Variants in CLSTN2 observed in about 807,000 individuals in gnomAD.
CLSTN2 encodes the protein calsyntenin-2.
In CLSTN2, 48 loss-of-function variants were observed where a neutral mutation model predicts 101.2. The observed-to-expected ratio is 0.47, with a 90% CI of 0.38 to 0.60. The LOEUF (loss-of-function observed/expected upper bound fraction) is 0.60, where lower values mean the gene tolerates loss of function less well. Ranked by LOEUF, CLSTN2 falls within the 20% of genes least tolerant of loss-of-function variation. The pLI is 0.00. For synonymous variants in CLSTN2, 481 were observed against 463.6 expected, an observed-to-expected ratio of 1.04 and a Z score of -0.48; for missense variants, 1,160 against 1,238.2, an observed-to-expected ratio of 0.94 and a Z score of 0.95.
chr3:140,134,251 C>A (rs149076528), intron 1 of CLSTN2, among the ~76,000 whole-genome samples: 6 of 152,282 alleles, frequency 3.9e-5, no homozygotes, highest in Middle Eastern at 6.8e-3. Flanking sequence ...CTCCTCTCCC[C>A]CTATGTGCTC....
chr3:140,444,387 G>A (rs550400631), intron 5 of CLSTN2, among the ~76,000 whole-genome samples: 4 of 151,414 alleles, frequency 2.6e-5, no homozygotes, highest in Admixed American at 2.6e-4. Context: ...CTGAGATTGT[G>A]CCATTGCACT....
At chr3:140,437,636 T>G (rs895183190) in intron 5 of CLSTN2, among the ~76,000 whole-genome samples, 1 of 152,210 alleles carries the variant, frequency 6.6e-6, no homozygotes, top group Non-Finnish European at 1.5e-5. Context: ...AGGCTGGCTG[T>G]CTGGCTGCCC....
At chr3:140,209,465 CT>C in intron 2 of CLSTN2, among the ~76,000 whole-genome samples, 1 of 152,248 alleles carries the variant, frequency 6.6e-6, no homozygotes, top group South Asian at 2.1e-4. Flanking sequence ...AGATAGCACT[CT>C]CCTCTCAATT....
At chr3:139,950,461 G>A (rs906029077) in intron 1 of CLSTN2, among the ~76,000 whole-genome samples, 1 of 152,180 alleles carries the variant, frequency 6.6e-6, no homozygotes. Context: ...AGCCAAGATA[G>A]AATAGACCAT....
intron 2 of CLSTN2, among the ~76,000 whole-genome samples, chr3:140,233,269 A>G (rs1425156534): frequency 6.6e-6 from 1 of 152,036 alleles, no homozygotes; most frequent in East Asian, 1.9e-4. Flanking sequence ...CTCCACTGAC[A>G]CTTGGTCGAC....
At chr3:140,290,348 G>A (rs929200842) in intron 2 of CLSTN2, among the ~76,000 whole-genome samples, 2 of 152,142 alleles carry the variant, frequency 1.3e-5, no homozygotes, top group African/African-American at 2.4e-5. Context: ...CTGCCTCCAG[G>A]GATCTTCCCA....
chr3:140,023,103 C>A (rs1216403603), intron 1 of CLSTN2, among the ~76,000 whole-genome samples: 1 of 152,172 alleles, frequency 6.6e-6, no homozygotes, highest in Admixed American at 6.5e-5. Context: ...CTCCTGGACA[C>A]TGCCACTCAC....
Position 140,566,442 on chromosome 3 carries a change from C to T in CLSTN2, c.*189C>T, listed in dbSNP as rs1256008025. The stretch of plus-strand genomic sequence containing the variant: ...TCATCCATGGGGAAGTTCCAAGAAG[C>T]CCAGCATGGCCATCAGTGAGGACTT... On this transcript the variant is annotated 3_prime_UTR_variant, in exon 17 of 17. Transcript: ENST00000458420. The T allele has an allele frequency of 3.2e-6, 2 of 616,252 alleles. No individual in the cohort carries two copies. Among genetic ancestry groups the T allele is most frequent in the East Asian group, 5.5e-5 (2 of 36,146 alleles). 38.2% of individuals were successfully genotyped at this position (616,252 alleles called of 1,614,324 possible).
chr3:139,978,021 C>A (rs1045960339), intron 1 of CLSTN2, among the ~76,000 whole-genome samples: 4 of 152,158 alleles, frequency 2.6e-5, no homozygotes, highest in Non-Finnish European at 5.9e-5. Flanking sequence ...GGCCCCCAAG[C>A]AGGAACATTC....
intron 1 of CLSTN2, among the ~76,000 whole-genome samples, chr3:139,998,335 C>CTTTTTTTTTTTTTTTTTT (rs1290360293): frequency 4.9e-5 from 1 of 20,432 alleles, no homozygotes; most frequent in African/African-American, 2.3e-4. Context: ...CCCCCACATG[C>CTTTTTTTTTTTTTTTTTT]CTTTTTTTTT....
At chr3:140,538,720 G>C (rs918662151) in intron 9 of CLSTN2, among the ~76,000 whole-genome samples, 6 of 152,114 alleles carry the variant, frequency 3.9e-5, no homozygotes, top group Admixed American at 2.0e-4. Context: ...GAGTCCCTAG[G>C]GTGTCTACAG....
chr3:140,249,024 A>T (rs2086539939), intron 2 of CLSTN2, among the ~76,000 whole-genome samples: 1 of 152,148 alleles, frequency 6.6e-6, no homozygotes, highest in Non-Finnish European at 1.5e-5. Flanking sequence ...TGCAGCATGG[A>T]GGGAGGACCC....
chr3:140,194,201 G>A (rs2010612330), intron 2 of CLSTN2, among the ~76,000 whole-genome samples: 1 of 152,146 alleles, frequency 6.6e-6, no homozygotes, highest in Non-Finnish European at 1.5e-5. Context: ...TCTGGAGTTT[G>A]AGAAGTCCAA....
At chr3:140,338,570 C>CA (rs959631280) in intron 2 of CLSTN2, among the ~76,000 whole-genome samples, 65 of 152,266 alleles carry the variant, frequency 4.3e-4, no homozygotes, top group African/African-American at 1.4e-3. Flanking sequence ...CCAGTCCCCC[C>CA]CCGGCCTCAG....
chr3:140,441,669 T>C (rs1432363748), intron 5 of CLSTN2, among the ~76,000 whole-genome samples: 2 of 152,316 alleles, frequency 1.3e-5, no homozygotes, highest in African/African-American at 2.4e-5. Flanking sequence ...CTACCCACCG[T>C]TGGGTCCTGA....
chr3:140,554,003 G>A (rs927413089), intron 10 of CLSTN2, among the ~76,000 whole-genome samples: 1 of 105,398 alleles, frequency 9.5e-6, no homozygotes, highest in African/African-American at 5.3e-5. Context: ...TGTCTAACAG[G>A]GGCTTTCAGA....
chr3:140,528,819 C>G (rs992779540), intron 8 of CLSTN2, among the ~76,000 whole-genome samples: 13 of 152,186 alleles, frequency 8.5e-5, no homozygotes, highest in Non-Finnish European at 1.9e-4. Flanking sequence ...TGCACCTGGT[C>G]TACAACACTT....
At chr3:140,492,365 C>T (rs889950857) in intron 8 of CLSTN2, among the ~76,000 whole-genome samples, 5 of 152,150 alleles carry the variant, frequency 3.3e-5, no homozygotes, top group African/African-American at 1.2e-4. Flanking sequence ...AATCTTTGAG[C>T]AATAAACAGG....
intron 10 of CLSTN2, among the ~76,000 whole-genome samples, chr3:140,548,684 C>T (rs1405492036): frequency 2.0e-5 from 3 of 151,984 alleles, no homozygotes; most frequent in East Asian, 3.8e-4. Flanking sequence ...TTCAACAAAG[C>T]CAGTGTTATG....
Sources: allele counts gnomAD v4.1 joint callset (sites outside exome capture counted in the v4.1 genomes callset), GRCh38; gene constraint gnomAD v4.1.1; transcripts MANE v1.5; gene names NCBI Gene and HGNC (gene_info 2026-07-23, HGNC 2026-07-21).